The following ANTXR2 variants were observed in gnomAD, a reference collection of about 807,000 sequenced individuals.
ANTXR2 encodes ANTXR cell adhesion molecule 2.
Under a neutral mutation model 73.7 loss-of-function variants are expected in ANTXR2, and 44 were observed. The ratio of observed to expected loss-of-function variants is 0.60; its 90% CI spans 0.47 to 0.77. The LOEUF (loss-of-function observed/expected upper bound fraction) is 0.77, where lower values mean the gene tolerates loss of function less well. ANTXR2 is among the 30% of genes least tolerant of loss of function. The pLI is 0.00. For synonymous variants in ANTXR2, 217 were observed against 205.9 expected (o/e 1.05, Z -0.46); for missense variants, 604 against 592.5 (o/e 1.02, Z -0.20).
intron 16 of ANTXR2, among the ~76,000 whole-genome samples, chr4:79,955,845 T>C (rs1728867019): frequency 6.6e-6 from 1 of 152,180 alleles, no homozygotes; most frequent in African/African-American, 2.4e-5. Context: ...CCAAGGGCTA[T>C]AGGAATAGCT....
intron 16 of ANTXR2, among the ~76,000 whole-genome samples, chr4:79,911,182 AATGGAAT>A (rs1391713076): frequency 1.3e-5 from 2 of 152,200 alleles, no homozygotes; most frequent in Admixed American, 1.3e-4. Flanking sequence ...ATTTGCAGGA[AATGGAAT>A]ATGACAAGGC....
chr4:80,046,537 C>T (rs1356526769), intron 7 of ANTXR2, among the ~76,000 whole-genome samples: 1 of 151,716 alleles, frequency 6.6e-6, no homozygotes, highest in Non-Finnish European at 1.5e-5. Context: ...AATTTTCACT[C>T]TGATGCAAAC....
Position 79,936,515 on chromosome 4 carries a change from A to G in ANTXR2, c.1429-29048T>C, listed in dbSNP as rs142554980. 8.1e-4 allele frequency among the ~76,000 whole-genome samples: 124 copies of G among 152,292 alleles called. 2 individuals are homozygous for G. The East Asian group carries it at 0.023, about 29-fold the overall frequency. The stretch of plus-strand genomic sequence containing the variant: ...ATTCTCACATTTTTCTAATTCTCCA[A>G]AAGTTTCCTTTTCTTTCAAGGTAAT... On this transcript the variant is annotated intron_variant, in intron 16 of 16. Coordinates refer to ENST00000403729, the MANE Select transcript of ANTXR2 (RefSeq NM_058172.6).
intron 12 of ANTXR2, among the ~76,000 whole-genome samples, chr4:79,998,751 G>A (rs1242060582): frequency 2.6e-5 from 4 of 151,964 alleles, no homozygotes; most frequent in Non-Finnish European, 5.9e-5. Context: ...TCAATGAACA[G>A]GATACAGACT....
At chr4:79,974,409 T>G (rs1278169908) in intron 16 of ANTXR2, among the ~76,000 whole-genome samples, 1 of 152,098 alleles carries the variant, frequency 6.6e-6, no homozygotes, top group Non-Finnish European at 1.5e-5. Context: ...AAAAACAAAT[T>G]TTAAAAAAGG....
chr4:80,051,536 G>C (rs1733773482), intron 7 of ANTXR2, among the ~76,000 whole-genome samples: 1 of 151,614 alleles, frequency 6.6e-6, no homozygotes, highest in African/African-American at 2.4e-5. Flanking sequence ...TATGCAACTA[G>C]CTAAGATTGG....
chr4:80,031,937 C>A (rs181629966), intron 9 of ANTXR2, among the ~76,000 whole-genome samples: 1 of 151,616 alleles, frequency 6.6e-6, no homozygotes, highest in East Asian at 1.9e-4. Flanking sequence ...AGTTCACATA[C>A]CATTCTAGAT....
chr4:79,930,550 A>C (rs1728018229), intron 16 of ANTXR2, among the ~76,000 whole-genome samples: 1 of 152,226 alleles, frequency 6.6e-6, no homozygotes, highest in Non-Finnish European at 1.5e-5. Flanking sequence ...GATGTGGTCC[A>C]TCAGTGCTGT....
At chr4:79,988,262 T>C (rs1164541271) in intron 12 of ANTXR2, among the ~76,000 whole-genome samples, 2 of 121,918 alleles carry the variant, frequency 1.6e-5, no homozygotes, top group East Asian at 5.8e-4. Flanking sequence ...TATATATATA[T>C]ATATATATAT....
At chr4:80,037,479 G>C (rs1410142272) in intron 7 of ANTXR2, among the ~76,000 whole-genome samples, 1 of 152,034 alleles carries the variant, frequency 6.6e-6, no homozygotes, top group Non-Finnish European at 1.5e-5. Flanking sequence ...TTTGTGATTA[G>C]AAAACAAACC....
At chr4:80,000,482 C>G (rs1730976876) in intron 12 of ANTXR2, among the ~76,000 whole-genome samples, 1 of 152,008 alleles carries the variant, frequency 6.6e-6, no homozygotes, top group South Asian at 2.1e-4. Flanking sequence ...AATAAGTATT[C>G]ACCATGCAAC....
chr4:80,019,411 T>C (rs1335868889), intron 10 of ANTXR2, among the ~76,000 whole-genome samples: 1 of 152,234 alleles, frequency 6.6e-6, no homozygotes. Flanking sequence ...TGGTAAATTA[T>C]GCCAGCTTTT....
chr4:80,028,062 C>A (rs1027125511), intron 10 of ANTXR2, among the ~76,000 whole-genome samples: 2 of 151,894 alleles, frequency 1.3e-5, no homozygotes, highest in African/African-American at 4.8e-5. Context: ...AAAAGTAAAC[C>A]GTGTTCATCC....
At chr4:79,947,615 C>T (rs377187875) in intron 16 of ANTXR2, among the ~76,000 whole-genome samples, 10 of 152,236 alleles carry the variant, frequency 6.6e-5, no homozygotes, top group South Asian at 4.1e-4. Flanking sequence ...TCTCCTGATA[C>T]GCATCACTCC....
chr4:80,066,657 T>C (rs1734510458), intron 3 of ANTXR2, among the ~76,000 whole-genome samples: 1 of 152,248 alleles, frequency 6.6e-6, no homozygotes, highest in Non-Finnish European at 1.5e-5. Flanking sequence ...AAAACTTATA[T>C]ACCAGACTCT....
Position 80,072,447 on chromosome 4 carries a change from G to C in ANTXR2, c.114C>G (p.Ser38=). Reference sequence around the variant, plus strand: ...AGTAGAGATCAAAGGCTCTTCTGCAGGAGGGCTGCTCCTGGGCGCGCAGCA... The same window carrying C: ...AGTAGAGATCAAAGGCTCTTCTGCACGAGGGCTGCTCCTGGGCGCGCAGCA... ...GGLLRAQEQP[S]CRRAFDLYFV... Residue 38 remains serine, a synonymous_variant, in exon 1 of 17, where the codon TCC becomes TCG. Transcript: ENST00000403729. 6.2e-7 allele frequency: 1 copy of C among 1,607,796 alleles called. No individual in the cohort carries two copies. The highest frequency in any genetic ancestry group is 1.1e-5 in the South Asian group (1 of 90,176).
Position 79,909,654 on chromosome 4 carries a change from A to AAT in ANTXR2, c.1429-2188_1429-2187insAT, listed in dbSNP as rs548916189. On this transcript the variant is annotated intron_variant, in intron 16 of 16. Transcript: ENST00000403729. ...CTCTAGATATAAGCACCAAAAAAAA[A>AAT]AAAATAAAGAAAAACCTATTAAATG... Among the ~76,000 whole-genome samples, 140 of 152,164 alleles carry AAT rather than the reference A, an allele frequency of 9.2e-4. 1 individual carries two copies. The highest frequency in any genetic ancestry group is 3.3e-3 in the African/African-American group (139 of 41,530).
At chr4:80,054,392 A>T in intron 6 of ANTXR2, 40 bp from the exon 7 acceptor site, 1 of 1,352,544 alleles carries the variant, frequency 7.4e-7, no homozygotes, top group Non-Finnish European at 1.0e-6. Flanking sequence ...GGAGTGGCTG[A>T]CACATACAAC....
intron 12 of ANTXR2, among the ~76,000 whole-genome samples, chr4:80,004,232 A>C (rs1193931308): frequency 6.6e-6 from 1 of 151,902 alleles, no homozygotes; most frequent in Non-Finnish European, 1.5e-5. Context: ...AAATAAAATA[A>C]AAAAATAAAA....
Sources: allele counts gnomAD v4.1 joint callset (sites outside exome capture counted in the v4.1 genomes callset), GRCh38; gene constraint gnomAD v4.1.1; transcripts MANE v1.5; gene names NCBI Gene and HGNC (gene_info 2026-07-23, HGNC 2026-07-21).